Variants in ADGRF5 observed in about 807,000 individuals in gnomAD.
The protein encoded by ADGRF5 is G-protein coupled receptor 116.
Under a neutral mutation model 132.3 loss-of-function variants are expected in ADGRF5, and 75 were observed. The ratio of observed to expected loss-of-function variants is 0.57; its 90% CI spans 0.47 to 0.69. The LOEUF is 0.69. Among genes scored for constraint, ADGRF5 ranks in the 30% least tolerant of loss-of-function variants. The pLI, the probability that ADGRF5 is intolerant of heterozygous loss-of-function variation, is 0.00. For synonymous variants in ADGRF5, 629 were observed against 597.6 expected (o/e 1.05, Z -0.77); for missense variants, 1,516 against 1,630.6 (o/e 0.93, Z 1.21).
At chr6:46,948,475 A>AGTGTGTGT (rs3030417) in intron 1 of ADGRF5, among the ~76,000 whole-genome samples, 137 of 143,372 alleles carry the variant, frequency 9.6e-4, no homozygotes, top group African/African-American at 1.3e-3. Flanking sequence ...TGCTCTAGTG[A>AGTGTGTGT]GTGTGTGTGT....
In ADGRF5 at chr6:46,871,453, A is replaced by G. The variant is rs148786291; in HGVS notation, c.1411+390T>C. On this transcript the variant is annotated intron_variant, in intron 11 of 20. Coordinates refer to ENST00000283296, the MANE Select transcript of ADGRF5 (RefSeq NM_001098518.2). Reference sequence around the variant, plus strand: ...TAGGGGAGTGAGCCAGGCTGTTGGAATTCAAGAATGGGAGAATGAAGTAAT... The same window carrying G: ...TAGGGGAGTGAGCCAGGCTGTTGGAGTTCAAGAATGGGAGAATGAAGTAAT... Among the ~76,000 whole-genome samples, 116 of 152,238 alleles carry G rather than the reference A, an allele frequency of 7.6e-4. 3 individuals carry two copies. In the East Asian group the frequency reaches 0.022, roughly 28 times the overall value.
intron 1 of ADGRF5, among the ~76,000 whole-genome samples, chr6:46,947,596 T>C (rs1582087424): frequency 6.6e-6 from 1 of 152,306 alleles, no homozygotes; most frequent in East Asian, 1.9e-4. Context: ...TAAGGATCTC[T>C]AGTAATGCTC....
chr6:46,857,785 C>CG (rs1178588271), intron 17 of ADGRF5, among the ~76,000 whole-genome samples: 1 of 41,544 alleles, frequency 2.4e-5, no homozygotes, highest in Non-Finnish European at 1.1e-4. Context: ...AAGGGGCAAT[C>CG]CCTGTCCTCA....
rs781504491 is a variant in ADGRF5 at position 46,858,870 on chromosome 6, G to C, written c.3033C>G (p.Leu1011=). The change falls in exon 17 of 21, where the codon CTC becomes CTG. Residue 1011 remains leucine, a synonymous_variant. Transcript: ENST00000283296. ...CCCCAACATAAGAAATAATATCCAG[G>C]AGTATTCCCAGGAGAGAACTAGGAT... ...SPDPSSLLGI[L]LDIISYVGVG... 1.2e-5 allele frequency: 19 copies of C among 1,613,968 alleles called. No homozygotes were observed. The South Asian group carries it at 2.1e-4, about 18-fold the overall frequency.
intron 9 of ADGRF5, among the ~76,000 whole-genome samples, chr6:46,879,255 G>A (rs1456487712): frequency 8.6e-5 from 13 of 151,528 alleles, no homozygotes; most frequent in Admixed American, 8.5e-4. Flanking sequence ...TGAAAATAAT[G>A]AATTTTAAAA....
At chr6:46,867,237 C>G in intron 12 of ADGRF5, 100 bp from the exon 13 acceptor site, 1 of 690,514 alleles carries the variant, frequency 1.4e-6, no homozygotes, top group Non-Finnish European at 2.5e-6. Context: ...CCCTCTCAAG[C>G]TTTAGTAAAG....
At chr6:46,912,554 A>T (rs1776042859) in intron 1 of ADGRF5, among the ~76,000 whole-genome samples, 1 of 152,062 alleles carries the variant, frequency 6.6e-6, no homozygotes, top group Non-Finnish European at 1.5e-5. Context: ...CAACAACAGG[A>T]TTAGGTAAGA....
intron 6 of ADGRF5, among the ~76,000 whole-genome samples, chr6:46,882,764 T>C (rs978799256): frequency 9.8e-5 from 15 of 152,322 alleles, no homozygotes; most frequent in East Asian, 1.9e-4. Context: ...ATGCCAGAAA[T>C]GTAAATCAAA....
intron 1 of ADGRF5, among the ~76,000 whole-genome samples, chr6:46,945,125 C>T (rs1396214138): frequency 6.6e-6 from 1 of 152,158 alleles, no homozygotes; most frequent in Non-Finnish European, 1.5e-5. Flanking sequence ...CATGAATATG[C>T]AGTGTCACTC....
Position 46,871,930 on chromosome 6 carries a change from C to G in ADGRF5, c.1324G>C (p.Gly442Arg). Reference sequence around the variant, plus strand: ...TCACAAGTGTAGATGACTGTTGTTCCAGACGACCCGCTTGGGCACTGGGTT... The same window carrying G: ...TCACAAGTGTAGATGACTGTTGTTCGAGACGACCCGCTTGGGCACTGGGTT... ...DGTQCPSGSSGTTVIYTCEFI... is the reference protein window; with the variant it reads ...DGTQCPSGSSRTTVIYTCEFI... Residue 442 changes from glycine (G) to arginine (R), a missense_variant, in exon 11 of 21, where the codon GGA becomes CGA. By Grantham distance (125) the Gly-to-Arg change is moderately radical (BLOSUM62 -2). This residue lies in a region of ADGRF5 where 945 missense variants were observed against 929.4 expected (regional missense o/e 1.02). Coordinates refer to ENST00000283296, the MANE Select transcript of ADGRF5 (RefSeq NM_001098518.2). 6.2e-7 allele frequency: 1 copy of G among 1,613,402 alleles called. No individual in the cohort carries two copies. Among genetic ancestry groups the G allele is most frequent in the African/African-American group, 1.3e-5 (1 of 74,990 alleles).
chr6:46,865,717 T>G (rs748249009), intron 13 of ADGRF5, among the ~76,000 whole-genome samples: 5 of 152,382 alleles, frequency 3.3e-5, no homozygotes, highest in East Asian at 3.9e-4. Context: ...AGATTGATTA[T>G]ATCCCTCTGC....
At chr6:46,859,817 C>CTATTTTAGTTTATTT (rs1554195324) in intron 16 of ADGRF5, among the ~76,000 whole-genome samples, 2 of 146,178 alleles carry the variant, frequency 1.4e-5, no homozygotes, top group African/African-American at 5.1e-5. Context: ...GGGATATTTA[C>CTATTTTAGTTTATTT]TATTTTATTT....
intron 1 of ADGRF5, among the ~76,000 whole-genome samples, chr6:46,918,764 C>T (rs935981569): frequency 1.3e-5 from 2 of 152,172 alleles, no homozygotes; most frequent in African/African-American, 4.8e-5. Flanking sequence ...GTGTCTGTTC[C>T]TCCGAAAGAC....
At chr6:46,930,710 A>G (rs561459404) in intron 1 of ADGRF5, among the ~76,000 whole-genome samples, 45 of 152,294 alleles carry the variant, frequency 3.0e-4, no homozygotes, top group Non-Finnish European at 5.1e-4. Context: ...TTCTCTCCTC[A>G]GTCTTAGCAG....
At chr6:46,862,795 C>G in intron 15 of ADGRF5, 93 bp downstream of exon 15, 1 of 602,080 alleles carries the variant, frequency 1.7e-6, no homozygotes. Flanking sequence ...CAACACAAAG[C>G]AGCACCAAAC....
chr6:46,900,662 G>C (rs1460440590), intron 2 of ADGRF5, among the ~76,000 whole-genome samples: 2 of 152,182 alleles, frequency 1.3e-5, no homozygotes, highest in Non-Finnish European at 2.9e-5. Flanking sequence ...GTACAAGACT[G>C]TGCCACTTAC....
chr6:46,908,515 G>T (rs1334059096), intron 1 of ADGRF5, among the ~76,000 whole-genome samples: 1 of 152,132 alleles, frequency 6.6e-6, no homozygotes, highest in Non-Finnish European at 1.5e-5. Context: ...TCACATACTA[G>T]AAGGACTAGA....
At chr6:46,952,602 G>A (rs1385072137) in intron 1 of ADGRF5, among the ~76,000 whole-genome samples, 1 of 152,186 alleles carries the variant, frequency 6.6e-6, no homozygotes, top group East Asian at 1.9e-4. Flanking sequence ...AAGAGTGTGG[G>A]AAAATGCTAT....
intron 3 of ADGRF5, among the ~76,000 whole-genome samples, chr6:46,894,523 A>G (rs1306315092): frequency 6.6e-6 from 1 of 152,140 alleles, no homozygotes; most frequent in Non-Finnish European, 1.5e-5. Context: ...AGGCAGATAT[A>G]CCAGTCTTCC....
Sources: gnomAD v4.1 joint callset for allele counts (sites outside exome capture counted in the v4.1 genomes callset) on GRCh38, gnomAD v4.1.1 for gene constraint, gnomAD v4.1.1 regional missense constraint, MANE v1.5 for transcripts, NCBI Gene and HGNC (gene_info 2026-07-23, HGNC 2026-07-21) for gene names.